The following FBRSL1 variants were observed in gnomAD, a reference collection of about 807,000 sequenced individuals.
FBRSL1 encodes fibrosin-1-like protein.
A neutral mutation model predicts 89.6 loss-of-function variants in FBRSL1; 51 were observed. That is an observed-to-expected ratio of 0.57 (90% CI 0.45 to 0.72). The LOEUF is 0.72. Among genes scored for constraint, FBRSL1 ranks in the 30% least tolerant of loss-of-function variants. The pLI, the probability that FBRSL1 is intolerant of heterozygous loss-of-function variation, is 0.00. For missense variants in FBRSL1, 1,618 were observed against 1,451.8 expected (o/e 1.11, Z -1.86); for synonymous variants, 779 against 681.1 (o/e 1.14, Z -2.24).
At chr12:132,504,337 A>C (rs1321033184) in intron 1 of FBRSL1, among the ~76,000 whole-genome samples, 2 of 152,216 alleles carry the variant, frequency 1.3e-5, no homozygotes, top group South Asian at 2.1e-4. Flanking sequence ...TTGGTGCTGT[A>C]TGGTAATGAC....
At chr12:132,509,899 G>C in intron 2 of FBRSL1, 1 of 1,231,350 alleles carries the variant, frequency 8.1e-7, no homozygotes, top group Non-Finnish European at 1.0e-6. Flanking sequence ...GGACAGTGCT[G>C]CTGCCCCCGG....
In FBRSL1 at chr12:132,527,963, A is replaced by G. The variant is rs763654587; in HGVS notation, c.590A>G (p.His197Arg). 1.1e-5 allele frequency: 17 copies of G among 1,551,034 alleles called. No individual in the cohort carries two copies. Among genetic ancestry groups the G allele is most frequent in the Non-Finnish European group, 1.4e-5 (16 of 1,146,862 alleles). Residue 197 changes from histidine to arginine, a missense_variant, in exon 4 of 19, where the codon CAT becomes CGT. Transcript: ENST00000680143. The part of the protein sequence containing the change: ...SRDPLSDSSA[H>R]AVSGRGYSCD... ...TCTTCCTTCCTGCAGAGCTCTGCGC[A>G]TGCGGTCTCGGGGAGAGGCTACTCT... is the stretch of plus-strand genomic sequence containing the variant.
chr12:132,581,586 G>T, intron 16 of FBRSL1, 70 bp downstream of exon 16: 1 of 1,530,514 alleles, frequency 6.5e-7, no homozygotes, highest in Admixed American at 2.0e-5. Context: ...GGGGAATTAG[G>T]TGGGCGGGAA....
rs1449746360 is a variant in FBRSL1, at chr12:132,528,565, G to T, written c.615+577G>T. 3.3e-5 allele frequency among the ~76,000 whole-genome samples: 5 copies of T among 151,974 alleles called. No homozygotes were observed. The East Asian group carries it at 7.7e-4, about 23-fold the overall frequency. The stretch of plus-strand genomic sequence containing the variant: ...AGCCTTCATGACGGGTGTGTGCCCA[G>T]GGGGAGCGGGTGTGTTTCCCGGGGG... On this transcript the variant is annotated intron_variant, in intron 4 of 18. Coordinates refer to ENST00000680143, the MANE Select transcript of FBRSL1 (RefSeq NM_001367871.1).
chr12:132,539,665 C>T (rs1315517594), intron 4 of FBRSL1, among the ~76,000 whole-genome samples: 2 of 128,950 alleles, frequency 1.6e-5, no homozygotes, highest in Non-Finnish European at 3.3e-5. Context: ...TCCTGCCGTC[C>T]AGCCCGATGC....
At chr12:132,566,515 G>A (rs2039632615) in intron 5 of FBRSL1, 1 of 48,262 alleles carries the variant, frequency 2.1e-5, no homozygotes, top group Non-Finnish European at 3.6e-5. Flanking sequence ...CAGAGCATGG[G>A]GCCCTCCGTC....
intron 5 of FBRSL1, among the ~76,000 whole-genome samples, chr12:132,559,426 C>T (rs936710722): frequency 6.6e-6 from 1 of 152,222 alleles, no homozygotes; most frequent in Non-Finnish European, 1.5e-5. Flanking sequence ...TTGTCTCGCT[C>T]TGTCACCTAC....
At chr12:132,493,734 C>G (rs905392613) in intron 1 of FBRSL1, among the ~76,000 whole-genome samples, 24 of 152,330 alleles carry the variant, frequency 1.6e-4, no homozygotes, top group Admixed American at 1.1e-3. Flanking sequence ...GGGTGGGACA[C>G]ATAGGCCGTT....
Position 132,570,389 on chromosome 12 carries a change from C to T in FBRSL1, c.1062C>T (p.His354=), listed in dbSNP as rs1317430576. 13 of 1,534,126 alleles carry T rather than the reference C, an allele frequency of 8.5e-6. No individual in the cohort carries two copies. Among genetic ancestry groups the T allele is most frequent in the African/African-American group, 2.7e-5 (2 of 72,798 alleles). The change falls in exon 8 of 19, where the codon CAC becomes CAT. Residue 354 remains histidine, a synonymous_variant. Coordinates refer to ENST00000680143, the MANE Select transcript of FBRSL1 (RefSeq NM_001367871.1). ...GGAAGCACGTGTCGCTGTCGCCACA[C>T]GGGCCGGGCCCCCACCTGTCTACCT... is the stretch of plus-strand genomic sequence containing the variant. ...GLGKHVSLSP[H]GPGPHLSTSH...
Position 132,583,010 on chromosome 12 carries a change from G to A in FBRSL1, c.2241G>A (p.Ser747=). 1 of 1,455,306 alleles carries A rather than the reference G, an allele frequency of 6.9e-7. No individual in the cohort carries two copies. Among genetic ancestry groups the A allele is most frequent in the Non-Finnish European group, 9.0e-7 (1 of 1,111,280 alleles). The allele number at this position is 1,455,306 out of a possible 1,614,324, so 90.1% of individuals were successfully genotyped here. A position where few individuals can be genotyped will look rare whatever the true frequency, so the allele number is the denominator to read the frequency against. The change falls in exon 19 of 19, where the codon TCG becomes TCA. Residue 747 remains serine, a synonymous_variant. Coordinates refer to ENST00000680143, the MANE Select transcript of FBRSL1 (RefSeq NM_001367871.1). ...AGACGCGCCTGCTGAGCCGGGCCTC[G>A]CCCGCCACCCCCGCTGGCCACCCCG... The part of the protein sequence containing the change: ...LEKTRLLSRA[S]PATPAGHPVS...
chr12:132,507,794 G>A (rs1280124300), intron 1 of FBRSL1, among the ~76,000 whole-genome samples: 2 of 152,128 alleles, frequency 1.3e-5, no homozygotes, highest in Non-Finnish European at 2.9e-5. Flanking sequence ...CCCCACTGCA[G>A]GGCACTCGCT....
At chr12:132,509,090 C>G in intron 2 of FBRSL1, 1 of 1,195,662 alleles carries the variant, frequency 8.4e-7, no homozygotes. Context: ...AGCATGCCTC[C>G]TGGGCCCGGG....
rs552969146 is a variant in FBRSL1, at chr12:132,564,767, C to T, written c.646-2714C>T. Reference sequence around the variant, plus strand: ...TCCTCGGCCTCCCGAGTAGCTGGGACTACAGGCGCCCGCCACCACGCCCGG... The same window carrying T: ...TCCTCGGCCTCCCGAGTAGCTGGGATTACAGGCGCCCGCCACCACGCCCGG... On this transcript the variant is annotated intron_variant, in intron 5 of 18. Transcript: ENST00000680143. Among the ~76,000 whole-genome samples the T allele has an allele frequency of 6.7e-5, 7 of 104,172 alleles. 2 individuals carry two copies. Among genetic ancestry groups the T allele is most frequent in the African/African-American group, 1.0e-4 (2 of 19,992 alleles). 68.3% of individuals were successfully genotyped at this position (104,172 alleles called of 152,430 possible). A position where few individuals can be genotyped will look rare whatever the true frequency, so the allele number is the denominator to read the frequency against.
chr12:132,561,052 C>G (rs2039082318), intron 5 of FBRSL1, among the ~76,000 whole-genome samples: 1 of 152,204 alleles, frequency 6.6e-6, no homozygotes, highest in South Asian at 2.1e-4. Context: ...GAGCCTGGGC[C>G]AGGCCCCCAG....
At chr12:132,533,866 C>T (rs958672418) in intron 4 of FBRSL1, among the ~76,000 whole-genome samples, 1 of 152,138 alleles carries the variant, frequency 6.6e-6, no homozygotes, top group East Asian at 1.9e-4. Context: ...GCTGCCAGGT[C>T]GGAAGGAAGG....
At chr12:132,504,679 G>A (rs1020599694) in intron 1 of FBRSL1, among the ~76,000 whole-genome samples, 5 of 152,140 alleles carry the variant, frequency 3.3e-5, no homozygotes, top group African/African-American at 7.2e-5. Context: ...GGCCTGAGGC[G>A]GCCCTGGCTG....
chr12:132,543,981 C>A (rs1566174273), intron 4 of FBRSL1, among the ~76,000 whole-genome samples: 2 of 152,204 alleles, frequency 1.3e-5, no homozygotes, highest in Non-Finnish European at 2.9e-5. Flanking sequence ...GTCTGGAACC[C>A]CTGTCGGGTG....
intron 4 of FBRSL1, among the ~76,000 whole-genome samples, chr12:132,536,012 T>G (rs2036696244): frequency 6.6e-6 from 1 of 151,598 alleles, no homozygotes; most frequent in Non-Finnish European, 1.5e-5. Flanking sequence ...GCGTGGATGT[T>G]TGTACATGGT....
rs116379402 is a variant in FBRSL1, at chr12:132,557,675, C to T, written c.645+9643C>T. On this transcript the variant is annotated intron_variant, in intron 5 of 18. Transcript: ENST00000680143. Reference sequence around the variant, plus strand: ...AGTGGTGAGGTCCCAAGAGAGGAGCCGGCCACATTGAGACTGGCCGTAGCC... The same window carrying T: ...AGTGGTGAGGTCCCAAGAGAGGAGCTGGCCACATTGAGACTGGCCGTAGCC... Among the ~76,000 whole-genome samples the T allele has an allele frequency of 8.0e-3, 1,223 of 152,320 alleles. 17 individuals carry two copies. The highest frequency in any genetic ancestry group is 0.028 in the African/African-American group (1,170 of 41,548).
Sources: allele counts gnomAD v4.1 joint callset (sites outside exome capture counted in the v4.1 genomes callset), GRCh38; gene constraint gnomAD v4.1.1; transcripts MANE v1.5; gene names NCBI Gene and HGNC (gene_info 2026-07-23, HGNC 2026-07-21).